Variants in TTC28 observed in about 807,000 individuals in gnomAD.
TTC28 encodes tetratricopeptide repeat domain 28, also known as tetratricopeptide repeat protein 28.
Under a neutral mutation model 198.0 loss-of-function variants are expected in TTC28, and 61 were observed. That is an observed-to-expected ratio of 0.31 (90% CI 0.25 to 0.38). TTC28 has a LOEUF of 0.38. TTC28 is among the 10% of genes least tolerant of loss of function. TTC28 has a pLI of 1.00. For synonymous variants in TTC28, 1,171 were observed against 1,297.8 expected, an observed-to-expected ratio of 0.90 and a Z score of 2.10; for missense variants, 2,678 against 3,164.0, an observed-to-expected ratio of 0.85 and a Z score of 3.69.
At chr22:28,615,120 C>T (rs1490717280) in intron 2 of TTC28, among the ~76,000 whole-genome samples, 3 of 152,164 alleles carry the variant, frequency 2.0e-5, no homozygotes, top group African/African-American at 4.8e-5. Flanking sequence ...ACAAAAAACC[C>T]CATCAAAAAG....
intron 12 of TTC28, chr22:28,056,448 A>AT (rs968193510): frequency 3.3e-4 from 50 of 152,152 alleles, no homozygotes; most frequent in African/African-American, 1.1e-3. Context: ...GCCCATTATC[A>AT]TTAACATTTT....
At chr22:28,051,805 A>G (rs991907045) in intron 12 of TTC28, among the ~76,000 whole-genome samples, 3 of 152,198 alleles carry the variant, frequency 2.0e-5, no homozygotes, top group African/African-American at 7.2e-5. Context: ...CATGGCTTCG[A>G]AGCCATGATT....
chr22:28,538,556 C>CTTTTTT (rs753754141), intron 2 of TTC28, among the ~76,000 whole-genome samples: 8 of 109,522 alleles, frequency 7.3e-5, no homozygotes, highest in Admixed American at 1.8e-4. Context: ...GCACCTTTCT[C>CTTTTTT]TTTTTTTTTT....
intron 2 of TTC28, among the ~76,000 whole-genome samples, chr22:28,348,024 A>G (rs990905865): frequency 3.9e-5 from 6 of 152,258 alleles, no homozygotes; most frequent in Admixed American, 3.3e-4. Context: ...TTTCTCAAGT[A>G]ACAAACAAGA....
intron 2 of TTC28, among the ~76,000 whole-genome samples, chr22:28,564,396 T>C (rs886719047): frequency 2.0e-5 from 3 of 152,156 alleles, no homozygotes; most frequent in Non-Finnish European, 4.4e-5. Flanking sequence ...CACATCAAAC[T>C]TCAGAAAATA....
chr22:28,251,167 T>C (rs1202817084), intron 5 of TTC28, among the ~76,000 whole-genome samples: 1 of 152,158 alleles, frequency 6.6e-6, no homozygotes, highest in African/African-American at 2.4e-5. Context: ...CTCATTATCA[T>C]TCAATATTGA....
chr22:28,098,692 T>C (rs1358501577), intron 10 of TTC28, among the ~76,000 whole-genome samples: 1 of 152,184 alleles, frequency 6.6e-6, no homozygotes, highest in Non-Finnish European at 1.5e-5. Flanking sequence ...ACTTCTTGAC[T>C]GTAACCCCCA....
At position 28,168,794 on chromosome 22, in the gene TTC28, A is replaced by G. The variant is rs1312373177; in HGVS notation, c.934-5195T>C. Among the ~76,000 whole-genome samples the G allele has an allele frequency of 3.9e-5, 6 of 152,346 alleles. No homozygotes were observed. In the East Asian group the frequency reaches 1.2e-3, roughly 29 times the overall value. ...CTTCGTGTCTAAAACACCAAAAGCA[A>G]TGGCAACAAAAGCCAAAATTGACAA... On this transcript the variant is annotated intron_variant, in intron 5 of 22. Coordinates refer to ENST00000397906, the MANE Select transcript of TTC28 (RefSeq NM_001145418.2).
chr22:28,180,479 G>A (rs954443499), intron 5 of TTC28, among the ~76,000 whole-genome samples: 3 of 152,024 alleles, frequency 2.0e-5, no homozygotes, highest in Middle Eastern at 3.2e-3. Flanking sequence ...TCTTTGAAGC[G>A]ATCACGTTTA....
intron 2 of TTC28, among the ~76,000 whole-genome samples, chr22:28,551,874 C>T (rs1004273944): frequency 1.3e-5 from 2 of 152,084 alleles, no homozygotes; most frequent in Non-Finnish European, 2.9e-5. Context: ...GAAGTCCTAG[C>T]GAGAGCAATC....
At chr22:28,494,125 T>G (rs1053866137) in intron 2 of TTC28, among the ~76,000 whole-genome samples, 6 of 152,194 alleles carry the variant, frequency 3.9e-5, no homozygotes, top group Non-Finnish European at 8.8e-5. Context: ...CCTTTGTTCT[T>G]TAAAAATGTC....
At chr22:28,181,189 T>G (rs1457084911) in intron 5 of TTC28, among the ~76,000 whole-genome samples, 1 of 152,180 alleles carries the variant, frequency 6.6e-6, no homozygotes, top group Non-Finnish European at 1.5e-5. Flanking sequence ...GAACAATATG[T>G]CAGAAAGATC....
At chr22:28,242,323 T>C (rs1237387193) in intron 5 of TTC28, among the ~76,000 whole-genome samples, 8 of 152,230 alleles carry the variant, frequency 5.3e-5, no homozygotes, top group East Asian at 1.9e-4. Flanking sequence ...TTATGCCATC[T>C]GACAGAAACT....
intron 2 of TTC28, among the ~76,000 whole-genome samples, chr22:28,472,450 T>C (rs1456622253): frequency 6.6e-6 from 1 of 152,116 alleles, no homozygotes. Context: ...GTGGTATTAA[T>C]AGTTTCATAG....
intron 5 of TTC28, among the ~76,000 whole-genome samples, chr22:28,232,464 G>A (rs951386534): frequency 6.6e-6 from 1 of 152,184 alleles, no homozygotes; most frequent in East Asian, 1.9e-4. Flanking sequence ...AGAGACCCTA[G>A]GTGGTCCATC....
chr22:28,390,766 C>T (rs933074901), intron 2 of TTC28, among the ~76,000 whole-genome samples: 13 of 152,210 alleles, frequency 8.5e-5, no homozygotes, highest in South Asian at 2.1e-4. Flanking sequence ...TTCCTGAATA[C>T]GGCACACTGA....
intron 14 of TTC28, among the ~76,000 whole-genome samples, chr22:28,004,139 G>T (rs1303851488): frequency 6.6e-6 from 1 of 152,252 alleles, no homozygotes; most frequent in Non-Finnish European, 1.5e-5. Flanking sequence ...GGCCCACCCA[G>T]GAGGGTCCGT....
chr22:28,037,337 T>A (rs556448814), intron 12 of TTC28, among the ~76,000 whole-genome samples: 1 of 152,284 alleles, frequency 6.6e-6, no homozygotes, highest in Admixed American at 6.5e-5. Context: ...GTAGGCTTCA[T>A]CCCTGGGATG....
intron 2 of TTC28, among the ~76,000 whole-genome samples, chr22:28,335,718 T>G (rs1293878932): frequency 6.6e-6 from 1 of 152,210 alleles, no homozygotes; most frequent in Non-Finnish European, 1.5e-5. Flanking sequence ...AAGTTCCTTA[T>G]CAGCTTAAGA....
Sources: allele counts gnomAD v4.1 joint callset (sites outside exome capture counted in the v4.1 genomes callset), GRCh38; gene constraint gnomAD v4.1.1; transcripts MANE v1.5; gene names NCBI Gene and HGNC (gene_info 2026-07-23, HGNC 2026-07-21).